DUSP22: variants seen among roughly 807,000 people sequenced by gnomAD.
DUSP22 encodes dual specificity protein phosphatase 22.
In DUSP22, 24 loss-of-function variants were observed where a neutral mutation model predicts 24.5. The observed-to-expected ratio is 0.98, with a 90% confidence interval of 0.71 to 1.38. The LOEUF is 1.38. Among genes scored for constraint, DUSP22 ranks in the 40% most tolerant of loss-of-function variants. DUSP22 has a pLI of 0.00. For synonymous variants in DUSP22, 160 were observed against 106.4 expected (o/e 1.50, Z -3.10); for missense variants, 330 against 269.2 (o/e 1.23, Z -1.58).
Position 349,104 on chromosome 6 carries a change from C to T in DUSP22, c.*153C>T, listed in dbSNP as rs111473309. 0.013 allele frequency: 18,406 copies of T among 1,449,938 alleles called. 13 individuals carry two copies. Among genetic ancestry groups the T allele is most frequent in the African/African-American group, 0.075 (5,209 of 69,000 alleles). 89.8% of individuals were successfully genotyped at this position (1,449,938 alleles called of 1,614,324 possible). ...CTTCCCCCAAGCAACACCGCCCAGC[C>T]CTGCTCCAGGCCCCTGCACTCCGCC... On this transcript the variant is annotated 3_prime_UTR_variant, in exon 7 of 7. Transcript: ENST00000419235.
At chr6:310,980 G>C (rs1758057757) in intron 2 of DUSP22, among the ~76,000 whole-genome samples, 1 of 152,304 alleles carries the variant, frequency 6.6e-6, no homozygotes, top group Non-Finnish European at 1.5e-5. Context: ...TTTGGGCCAA[G>C]CTTGAGGACT....
At chr6:313,271 C>T (rs1302183808) in intron 3 of DUSP22, among the ~76,000 whole-genome samples, 6 of 152,414 alleles carry the variant, frequency 3.9e-5, no homozygotes, top group Non-Finnish European at 5.9e-5. Context: ...GGCCTGCCTC[C>T]CTGCTTCATA....
chr6:305,549 C>T (rs1304163580), intron 2 of DUSP22, among the ~76,000 whole-genome samples: 1 of 152,306 alleles, frequency 6.6e-6, no homozygotes, highest in Non-Finnish European at 1.5e-5. Flanking sequence ...TCACACATTT[C>T]CTGCCACTTG....
At chr6:300,308 T>G (rs1174945511) in intron 1 of DUSP22, among the ~76,000 whole-genome samples, 1 of 152,302 alleles carries the variant, frequency 6.6e-6, no homozygotes, top group Non-Finnish European at 1.5e-5. Context: ...GCTGAAGACA[T>G]TTGAGGGTCC....
Position 349,237 on chromosome 6 carries a change from G to A in DUSP22, c.*286G>A, listed in dbSNP as rs1760054651. On this transcript the variant is annotated 3_prime_UTR_variant, in exon 7 of 7. Transcript: ENST00000419235. ...TGTGTGAGTGCACTTGTGTGTGGGT[G>A]ACTAAGTGGATGCATGTGTGTGCCT... 2 of 1,366,862 alleles carry A rather than the reference G, an allele frequency of 1.5e-6. No individual in the cohort carries two copies. The highest frequency in any genetic ancestry group is 2.9e-5 in the African/African-American group (2 of 68,884). The allele number at this position is 1,366,862 out of a possible 1,614,324, so 84.7% of individuals were successfully genotyped here.
At chr6:314,160 C>A (rs1758232742) in intron 3 of DUSP22, among the ~76,000 whole-genome samples, 1 of 152,304 alleles carries the variant, frequency 6.6e-6, no homozygotes, top group Non-Finnish European at 1.5e-5. Context: ...CGAGGTCAAG[C>A]AAATGCAGTG....
At chr6:322,084 A>G (rs1758618263) in intron 3 of DUSP22, among the ~76,000 whole-genome samples, 4 of 152,304 alleles carry the variant, frequency 2.6e-5, no homozygotes, top group African/African-American at 4.8e-5. Flanking sequence ...TATCATCTAC[A>G]TAGTGTACAC....
chr6:333,749 G>A (rs7755030), intron 3 of DUSP22, among the ~76,000 whole-genome samples: 3,908 of 150,890 alleles, frequency 0.026, 4 homozygotes, highest in Middle Eastern at 0.055. Flanking sequence ...CACCTGCCCC[G>A]CAAAGAGCAT....
chr6:307,879 T>G (rs1168860645), intron 2 of DUSP22, among the ~76,000 whole-genome samples: 2 of 152,306 alleles, frequency 1.3e-5, no homozygotes, highest in Non-Finnish European at 2.9e-5. Flanking sequence ...GCCAGCCTGG[T>G]CAGAGGTAGT....
At chr6:300,705 A>T (rs1757541148) in intron 1 of DUSP22, among the ~76,000 whole-genome samples, 1 of 152,308 alleles carries the variant, frequency 6.6e-6, no homozygotes, top group South Asian at 2.1e-4. Flanking sequence ...GGGCAGGAAC[A>T]GACCTGCTGT....
chr6:306,869 G>A (rs927773538), intron 2 of DUSP22, among the ~76,000 whole-genome samples: 3 of 152,306 alleles, frequency 2.0e-5, no homozygotes, highest in African/African-American at 7.2e-5. Flanking sequence ...CACACCTGGG[G>A]GTGTAGACTG....
chr6:343,772 A>G (rs1759728300), intron 4 of DUSP22, among the ~76,000 whole-genome samples: 1 of 105,438 alleles, frequency 9.5e-6, no homozygotes, highest in Non-Finnish European at 2.0e-5. Context: ...ACCTGCCGTG[A>G]GGTCGCTGAG....
At chr6:324,028 T>C (rs1325992096) in intron 3 of DUSP22, among the ~76,000 whole-genome samples, 4 of 152,296 alleles carry the variant, frequency 2.6e-5, no homozygotes, top group Admixed American at 1.3e-4. Context: ...GAAGATAACA[T>C]TTCCAAGTGT....
At chr6:302,566 T>C (rs1361378004) in intron 1 of DUSP22, among the ~76,000 whole-genome samples, 2 of 152,306 alleles carry the variant, frequency 1.3e-5, no homozygotes, top group Non-Finnish European at 2.9e-5. Flanking sequence ...GAGCTGCTCA[T>C]GAGGGCAGGG....
intron 6 of DUSP22, 69 bp downstream of exon 6, chr6:348,343 T>A: frequency 6.3e-7 from 1 of 1,596,956 alleles, no homozygotes; most frequent in South Asian, 1.1e-5. Context: ...AGTCTTTCCG[T>A]ACACAGCCAG....
intron 3 of DUSP22, among the ~76,000 whole-genome samples, chr6:321,112 A>G (rs1199148081): frequency 6.6e-6 from 1 of 152,298 alleles, no homozygotes; most frequent in Non-Finnish European, 1.5e-5. Flanking sequence ...ATGATCATAG[A>G]GGTTTGCCAG....
At chr6:333,417 C>T (rs1240610192) in intron 3 of DUSP22, among the ~76,000 whole-genome samples, 4 of 152,304 alleles carry the variant, frequency 2.6e-5, no homozygotes, top group Non-Finnish European at 5.9e-5. Flanking sequence ...AAGCTGGAAA[C>T]AAAATGTACA....
intron 3 of DUSP22, among the ~76,000 whole-genome samples, chr6:313,242 C>G (rs1172538861): frequency 6.6e-6 from 1 of 152,298 alleles, no homozygotes; most frequent in African/African-American, 2.4e-5. Context: ...CAGAGATGCC[C>G]TCTCCACCCT....
intron 4 of DUSP22, among the ~76,000 whole-genome samples, chr6:335,797 C>T (rs1759335625): frequency 6.6e-6 from 1 of 152,304 alleles, no homozygotes; most frequent in Non-Finnish European, 1.5e-5. Flanking sequence ...CCCCAGGAGG[C>T]TGGCGGCTGC....
Sources: allele counts gnomAD v4.1 joint callset (sites outside exome capture counted in the v4.1 genomes callset), GRCh38; gene constraint gnomAD v4.1.1; transcripts MANE v1.5; gene names NCBI Gene and HGNC (gene_info 2026-07-23, HGNC 2026-07-21).